CHN1: variants seen among roughly 807,000 people sequenced by gnomAD.
CHN1 encodes chimerin 1, also known as N-chimaerin.
CHN1 carries 37 observed loss-of-function variants against 59.5 expected under a neutral mutation model. The observed-to-expected ratio is 0.62, with a 90% CI of 0.48 to 0.82. The LOEUF (loss-of-function observed/expected upper bound fraction) is 0.82. Ranked by LOEUF, CHN1 falls within the 40% of genes least tolerant of loss-of-function variation. The pLI, the probability that CHN1 is intolerant of heterozygous loss-of-function variation, is 0.00. For synonymous variants in CHN1, 206 were observed against 200.4 expected, an observed-to-expected ratio of 1.03 and a Z score of -0.24; for missense variants, 469 against 571.0, an observed-to-expected ratio of 0.82 and a Z score of 1.82.
At chr2:174,988,699 AACAG>A (rs1265326006) in intron 1 of CHN1, among the ~76,000 whole-genome samples, 4 of 152,336 alleles carry the variant, frequency 2.6e-5, no homozygotes, top group South Asian at 2.1e-4. Flanking sequence ...CTCTTTAGAA[AACAG>A]ACAGCATGTA....
intron 7 of CHN1, among the ~76,000 whole-genome samples, chr2:174,828,693 T>G (rs1234043141): frequency 1.3e-5 from 2 of 152,202 alleles, no homozygotes; most frequent in African/African-American, 2.4e-5. Flanking sequence ...TAAAAAGCCA[T>G]AAGTTGCATC....
At chr2:174,956,398 TAAAG>T (rs1403957555) in intron 1 of CHN1, among the ~76,000 whole-genome samples, 5 of 151,892 alleles carry the variant, frequency 3.3e-5, no homozygotes, top group Admixed American at 6.6e-5. Context: ...CAAATCTACA[TAAAG>T]AAAGAGCATC....
chr2:174,814,537 G>C lies in CHN1; in HGVS notation c.713-2055C>G, dbSNP rs905980178. The stretch of plus-strand genomic sequence containing the variant: ...TTATTAGCTGTGTGATTTTGAGTGA[G>C]TTGCTCAAATTTCCTGTACCTCAGT... On this transcript the variant is annotated intron_variant, in intron 8 of 12. Coordinates refer to ENST00000409900, the MANE Select transcript of CHN1 (RefSeq NM_001822.7). Among the ~76,000 whole-genome samples, 5 of 152,298 alleles carry C rather than the reference G, an allele frequency of 3.3e-5. No individual in the cohort carries two copies. In the East Asian group the frequency reaches 9.6e-4, roughly 29 times the overall value.
At chr2:174,998,235 G>A (rs1208055509) in intron 1 of CHN1, among the ~76,000 whole-genome samples, 2 of 147,768 alleles carry the variant, frequency 1.4e-5, no homozygotes, top group African/African-American at 5.0e-5. Context: ...CCTGGGAGGT[G>A]GAGGTTGCAG....
chr2:174,917,842 T>C (rs1164405255), intron 4 of CHN1, among the ~76,000 whole-genome samples: 1 of 152,104 alleles, frequency 6.6e-6, no homozygotes, highest in Non-Finnish European at 1.5e-5. Flanking sequence ...TGAGGAATGA[T>C]GAGATTATGA....
chr2:174,849,401 A>G (rs963175379), intron 6 of CHN1, among the ~76,000 whole-genome samples: 1 of 151,916 alleles, frequency 6.6e-6, no homozygotes, highest in African/African-American at 2.4e-5. Flanking sequence ...GGCAGTAAGG[A>G]GATAGAAAAC....
At chr2:174,814,707 G>T (rs1047161319) in intron 8 of CHN1, among the ~76,000 whole-genome samples, 3 of 152,280 alleles carry the variant, frequency 2.0e-5, no homozygotes, top group East Asian at 3.9e-4. Context: ...CACTTTGAAA[G>T]GCCTTTTCTA....
At chr2:174,976,466 T>A (rs1289659745) in intron 1 of CHN1, among the ~76,000 whole-genome samples, 2 of 152,102 alleles carry the variant, frequency 1.3e-5, no homozygotes, top group Non-Finnish European at 2.9e-5. Context: ...CTTGAACTCC[T>A]GACCTCAGGT....
At chr2:174,840,597 G>A (rs1686266097) in intron 7 of CHN1, among the ~76,000 whole-genome samples, 1 of 152,106 alleles carries the variant, frequency 6.6e-6, no homozygotes, top group African/African-American at 2.4e-5. Context: ...ATGTCTAACA[G>A]AGTGGTCTGC....
intron 7 of CHN1, among the ~76,000 whole-genome samples, chr2:174,845,298 A>G (rs1481864179): frequency 6.6e-6 from 1 of 152,162 alleles, no homozygotes; most frequent in Non-Finnish European, 1.5e-5. Flanking sequence ...AGCTATTTCT[A>G]AACAGTGTAC....
intron 5 of CHN1, among the ~76,000 whole-genome samples, chr2:174,914,518 T>A (rs1688784222): frequency 6.6e-6 from 1 of 152,040 alleles, no homozygotes; most frequent in Admixed American, 6.6e-5. Flanking sequence ...AGGGGTAAGA[T>A]GGAATGGAAG....
At chr2:174,963,086 C>T (rs1262221293) in intron 1 of CHN1, among the ~76,000 whole-genome samples, 1 of 152,066 alleles carries the variant, frequency 6.6e-6, no homozygotes, top group Non-Finnish European at 1.5e-5. Context: ...GTTATGCTGG[C>T]ACACAGAAAT....
intron 1 of CHN1, among the ~76,000 whole-genome samples, chr2:174,988,783 T>C (rs941419161): frequency 3.3e-5 from 5 of 152,194 alleles, no homozygotes; most frequent in Non-Finnish European, 7.4e-5. Context: ...TAACAATAAA[T>C]TATTTTTATA....
Position 174,800,157 on chromosome 2 carries a change from C to T in CHN1, c.1339G>A (p.Val447Met), listed in dbSNP as rs1195610246. Residue 447 changes from valine (V) to methionine (M), a missense_variant, in exon 13 of 13, where the codon GTG becomes ATG. Val to Met is a conservative substitution (Grantham distance 21). Transcript: ENST00000409900. ...TCGTTTTTGATAAGCAGCTCCACCA[C>T]CAGTCTCTGATACCGTATATCATTC... ...ALNDIRYQRL[V>M]VELLIKNEDI... 1 of 1,563,098 alleles carries T rather than the reference C, an allele frequency of 6.4e-7. No individual in the cohort carries two copies. The highest frequency in any genetic ancestry group is 1.9e-5 in the Admixed American group (1 of 53,526).
At chr2:174,802,926 T>TTGGG (rs1684773710) in intron 11 of CHN1, among the ~76,000 whole-genome samples, 1 of 152,064 alleles carries the variant, frequency 6.6e-6, no homozygotes, top group South Asian at 2.1e-4. Context: ...TAATCCCAGC[T>TTGGG]ACTTGGGAAG....
At chr2:174,809,173 G>T in intron 10 of CHN1, 131 bp from the exon 11 acceptor site, 3 of 806,462 alleles carry the variant, frequency 3.7e-6, no homozygotes, top group Non-Finnish European at 3.7e-6. Context: ...AAAATTTAGT[G>T]TGCTACGTTA....
chr2:174,864,108 A>G (rs1687144281), intron 6 of CHN1, among the ~76,000 whole-genome samples: 2 of 152,214 alleles, frequency 1.3e-5, no homozygotes, highest in Middle Eastern at 3.4e-3. Flanking sequence ...AAGACCTGAG[A>G]GGGTTTCTGT....
chr2:174,922,903 C>T (rs1314168185), intron 3 of CHN1, among the ~76,000 whole-genome samples: 2 of 151,946 alleles, frequency 1.3e-5, no homozygotes, highest in Admixed American at 1.3e-4. Flanking sequence ...CAGAATGACA[C>T]CGTTTAGGAA....
chr2:174,856,822 T>G (rs114608244), intron 6 of CHN1, among the ~76,000 whole-genome samples: 311 of 152,286 alleles, frequency 2.0e-3, no homozygotes, highest in African/African-American at 7.2e-3. Flanking sequence ...AAGTATGTGC[T>G]GAAAGATTTG....
Sources: gnomAD v4.1 joint callset for allele counts (sites outside exome capture counted in the v4.1 genomes callset) on GRCh38, gnomAD v4.1.1 for gene constraint, MANE v1.5 for transcripts, NCBI Gene and HGNC (gene_info 2026-07-23, HGNC 2026-07-21) for gene names.